Variants in MYO18A observed in about 807,000 individuals in gnomAD.
The protein encoded by MYO18A is myosin XVIIIA.
Under a neutral mutation model 235.8 loss-of-function variants are expected in MYO18A, and 78 were observed. The ratio of observed to expected loss-of-function variants is 0.33; its 90% CI spans 0.28 to 0.40. MYO18A has a LOEUF of 0.40. MYO18A is among the 10% of genes least tolerant of loss of function. MYO18A has a pLI of 1.00. For synonymous variants in MYO18A, 977 were observed against 1,077.8 expected (o/e 0.91, Z 1.83); for missense variants, 2,215 against 2,699.3 (o/e 0.82, Z 3.98).
chr17:29,102,016 C>T (rs1374191571), intron 21 of MYO18A, among the ~76,000 whole-genome samples: 1 of 152,204 alleles, frequency 6.6e-6, no homozygotes, highest in Non-Finnish European at 1.5e-5. Context: ...AGCAATGTGA[C>T]ACACAGGGAA....
At chr17:29,093,928 G>T (rs574431159) in intron 31 of MYO18A, 52 bp downstream of exon 31, 2 of 1,332,892 alleles carry the variant, frequency 1.5e-6, no homozygotes, top group African/African-American at 1.5e-5. Context: ...ACTTTAAAGC[G>T]GTGATGGGAA....
rs780301599 is a variant in MYO18A, at chr17:29,074,042, A to G, written c.*728T>C. ...GGCTGGAGGTGCGGATGGTCCACAC[A>G]CACACTTGTCTGCGTAGGCTTGCTC... On this transcript the variant is annotated 3_prime_UTR_variant, in exon 42 of 42. Transcript: ENST00000527372. This position sits in a 1 kb window ranked among gnomAD's most constrained non-coding sequence, Gnocchi z 4.4. 6.2e-7 allele frequency: 1 copy of G among 1,614,068 alleles called. No homozygotes were observed. The highest frequency in any genetic ancestry group is 2.2e-5 in the East Asian group (1 of 44,868).
At chr17:29,150,337 G>T (rs1476673096) in intron 2 of MYO18A, among the ~76,000 whole-genome samples, 1 of 152,214 alleles carries the variant, frequency 6.6e-6, no homozygotes, top group African/African-American at 2.4e-5. Flanking sequence ...AAATCCACTG[G>T]GGCATGTGAG....
rs772081793 is a variant in MYO18A, at chr17:29,121,369, C to T, written c.1372-158G>A. 6.6e-6 allele frequency among the ~76,000 whole-genome samples: 1 copy of T among 152,226 alleles called. No homozygotes were observed. The highest frequency in any genetic ancestry group is 2.4e-5 in the African/African-American group (1 of 41,448). On this transcript the variant is annotated intron_variant, in intron 5 of 41. Transcript: ENST00000527372. This position sits in a 1 kb window ranked among gnomAD's most constrained non-coding sequence, Gnocchi z 4.2. ...TGCATGGAAATGAAGACACTAAGTC[C>T]TGGACTCCATCAAAGGTTGTGGGGA...
At chr17:29,150,705 T>G (rs1309625958) in intron 2 of MYO18A, among the ~76,000 whole-genome samples, 1 of 152,364 alleles carries the variant, frequency 6.6e-6, no homozygotes, top group Admixed American at 6.5e-5. Flanking sequence ...CTCATGCCCA[T>G]AATCCCAACA....
chr17:29,173,259 A>ATT (rs2068447063), intron 1 of MYO18A, among the ~76,000 whole-genome samples: 1 of 150,540 alleles, frequency 6.6e-6, no homozygotes, highest in South Asian at 2.1e-4. Context: ...TGACCGGCTA[A>ATT]TTTTGTATTT....
intron 1 of MYO18A, among the ~76,000 whole-genome samples, chr17:29,175,665 A>C: frequency 6.6e-6 from 1 of 151,938 alleles, no homozygotes; most frequent in South Asian, 2.1e-4. Context: ...TGTCCGGCCT[A>C]CTACAGAAAT....
chr17:29,094,527 GGTGA>G, intron 30 of MYO18A, 119 bp downstream of exon 30: 1 of 973,020 alleles, frequency 1.0e-6, no homozygotes, highest in South Asian at 1.5e-5. Context: ...TTTGTGAGTA[GGTGA>G]GTGAGTGAAT....
At position 29,093,358 on chromosome 17, in the gene MYO18A, C is replaced by T; in HGVS notation, c.4891G>A (p.Glu1631Lys). Residue 1631 changes from glutamate to lysine, a missense_variant, in exon 32 of 42, where the codon GAG becomes AAG. Physicochemically the swap from Glu to Lys is moderately conservative, Grantham distance 56. Transcript: ENST00000527372. ...DKQKVLREKR[E>K]LEGKLATLSD... ...AGGGTGGCGAGCTTGCCCTCCAGCT[C>T]CCGCTTCTCTCGCAGAACCTTCTGC... The T allele has an allele frequency of 1.2e-6, 2 of 1,612,726 alleles. No homozygotes were observed. Among genetic ancestry groups the T allele is most frequent in the Non-Finnish European group, 1.7e-6 (2 of 1,179,794 alleles).
At chr17:29,115,636 C>A in intron 12 of MYO18A, 28 bp downstream of exon 12, 3 of 1,565,134 alleles carry the variant, frequency 1.9e-6, no homozygotes, top group Non-Finnish European at 2.6e-6. Context: ...CTCACACTCA[C>A]AACTACCAGC....
chr17:29,105,908 G>A (rs1177918663), intron 20 of MYO18A, among the ~76,000 whole-genome samples: 1 of 152,220 alleles, frequency 6.6e-6, no homozygotes. Context: ...GACACCCAGA[G>A]GCTGGCGCTT....
chr17:29,110,847 A>G (rs1268368308), intron 17 of MYO18A, among the ~76,000 whole-genome samples: 1 of 152,346 alleles, frequency 6.6e-6, no homozygotes, highest in East Asian at 1.9e-4. Context: ...CAAGGGGTGG[A>G]CAGGAATCGG....
At chr17:29,114,644 G>A (rs781535872) in intron 14 of MYO18A, among the ~76,000 whole-genome samples, 1 of 152,228 alleles carries the variant, frequency 6.6e-6, no homozygotes, top group Non-Finnish European at 1.5e-5. Context: ...AGGCCTGGGA[G>A]GTGCCTCAAA....
At chr17:29,134,275 G>T (rs1416210187) in intron 2 of MYO18A, among the ~76,000 whole-genome samples, 1 of 151,724 alleles carries the variant, frequency 6.6e-6, no homozygotes, top group Non-Finnish European at 1.5e-5. Flanking sequence ...TAGAGATGGG[G>T]GTTCACCATG....
intron 21 of MYO18A, 75 bp downstream of exon 21, chr17:29,103,524 A>G: frequency 1.4e-6 from 2 of 1,417,556 alleles, no homozygotes; most frequent in Non-Finnish European, 2.0e-6. Flanking sequence ...AGCAAAGAGA[A>G]CAGGAGGAGT....
In MYO18A at chr17:29,126,399, G is replaced by A. The variant is rs1156987694; in HGVS notation, c.1000-4146C>T. Among the ~76,000 whole-genome samples the A allele has an allele frequency of 6.6e-6, 1 of 152,172 alleles. No individual in the cohort carries two copies. Among genetic ancestry groups the A allele is most frequent in the Non-Finnish European group, 1.5e-5 (1 of 68,022 alleles). On this transcript the variant is annotated intron_variant, in intron 2 of 41. Transcript: ENST00000527372. The surrounding 1 kb of genome is among the most constrained non-coding windows in gnomAD (Gnocchi z 4.1). ...CCCACCTGCTTATGGGTTCTCCAGA[G>A]CGACCAACAGTTCTGCCCATACCCT...
chr17:29,116,379 G>C, intron 11 of MYO18A, 65 bp downstream of exon 11: 1 of 1,599,786 alleles, frequency 6.3e-7, no homozygotes, highest in Admixed American at 1.7e-5. Flanking sequence ...ACAGACATAT[G>C]TGCCTCAGCC....
At chr17:29,094,598 T>A in intron 30 of MYO18A, 52 bp downstream of exon 30, 1 of 1,582,960 alleles carries the variant, frequency 6.3e-7, no homozygotes, top group Non-Finnish European at 8.7e-7. Flanking sequence ...GCTGTGGGGA[T>A]GGTGGCGGCC....
intron 37 of MYO18A, among the ~76,000 whole-genome samples, chr17:29,088,052 CTTTTTTTT>C (rs1040172315): frequency 8.0e-6 from 1 of 124,626 alleles, no homozygotes; most frequent in East Asian, 2.3e-4. Flanking sequence ...AAAATAAATT[CTTTTTTTT>C]TTTTTTTTTT....
Sources: allele counts gnomAD v4.1 joint callset (sites outside exome capture counted in the v4.1 genomes callset), GRCh38; gene constraint gnomAD v4.1.1; non-coding constraint Gnocchi (gnomAD v3.1); transcripts MANE v1.5; gene names NCBI Gene and HGNC (gene_info 2026-07-23, HGNC 2026-07-21).